WWC1: variants seen among roughly 807,000 people sequenced by gnomAD.
The protein encoded by WWC1 is WW and C2 domain containing 1.
In WWC1, 55 loss-of-function variants were observed where a neutral mutation model predicts 138.4. The ratio of observed to expected loss-of-function variants is 0.40; its 90% CI spans 0.32 to 0.50. WWC1 has a LOEUF of 0.50. WWC1 is among the 20% of genes least tolerant of loss of function. WWC1 has a pLI of 0.72. For synonymous variants in WWC1, 524 were observed against 564.9 expected (o/e 0.93, Z 1.03); for missense variants, 1,226 against 1,420.4 (o/e 0.86, Z 2.20).
chr5:168,395,153 G>T (rs1340752572), intron 3 of WWC1, among the ~76,000 whole-genome samples: 1 of 152,230 alleles, frequency 6.6e-6, no homozygotes, highest in African/African-American at 2.4e-5. Flanking sequence ...ACCTCTCCCT[G>T]TCTGAGTCAG....
rs1489211478 is a variant in WWC1 at position 168,371,520 on chromosome 5, A to G, written c.216A>G (p.Ile72Met). The G allele has an allele frequency of 6.2e-7, 1 of 1,613,630 alleles. No homozygotes were observed. Among genetic ancestry groups the G allele is most frequent in the Non-Finnish European group, 8.5e-7 (1 of 1,179,664 alleles). The change falls in exon 2 of 23, where the codon ATA becomes ATG. Residue 72 changes from isoleucine to methionine, a missense_variant. Coordinates refer to ENST00000265293, the MANE Select transcript of WWC1 (RefSeq NM_015238.3). ...ACCCACAGGTTGGAGATTACTTCAT[A>G]GACCACAACACCAGTAAGTTCCCGA... Reference protein sequence around the residue: ...AYDPQVGDYFIDHNTKTTQIE... With the variant: ...AYDPQVGDYFMDHNTKTTQIE...
chr5:168,399,679 C>T (rs1779165772), intron 5 of WWC1, 112 bp downstream of exon 5: 2 of 1,043,008 alleles, frequency 1.9e-6, no homozygotes, highest in Non-Finnish European at 2.9e-6. Flanking sequence ...CAAAATGTGG[C>T]TCTCTCATCA....
At chr5:168,381,882 G>A (rs1777663581) in intron 2 of WWC1, among the ~76,000 whole-genome samples, 1 of 150,808 alleles carries the variant, frequency 6.6e-6, no homozygotes, top group African/African-American at 2.4e-5. Context: ...TGTGGGGGGA[G>A]GCACTCATGT....
chr5:168,375,283 T>C (rs1031052960), intron 2 of WWC1, among the ~76,000 whole-genome samples: 1 of 152,188 alleles, frequency 6.6e-6, no homozygotes, highest in East Asian at 1.9e-4. Flanking sequence ...GCAATGATTC[T>C]GAGAAAGAGT....
chr5:168,462,242 G>GCGC (rs141668398), intron 20 of WWC1, among the ~76,000 whole-genome samples: 1 of 151,778 alleles, frequency 6.6e-6, no homozygotes, highest in Non-Finnish European at 1.5e-5. Flanking sequence ...GAACTGGAGA[G>GCGC]AGGAGAGAGA....
intron 20 of WWC1, among the ~76,000 whole-genome samples, chr5:168,461,652 A>C (rs1298218428): frequency 1.3e-5 from 2 of 152,210 alleles, no homozygotes; most frequent in Non-Finnish European, 2.9e-5. Context: ...TTGACCATTA[A>C]GGGCTGCAGG....
At chr5:168,434,841 G>A (rs12516671) in intron 15 of WWC1, among the ~76,000 whole-genome samples, 23,887 of 152,072 alleles carry the variant, frequency 0.16, 2,520 homozygotes, top group East Asian at 0.37. Flanking sequence ...CACCCAGCCC[G>A]GGCTCTCTCG....
intron 1 of WWC1, among the ~76,000 whole-genome samples, chr5:168,304,108 C>T (rs1464128307): frequency 6.6e-6 from 1 of 152,226 alleles, no homozygotes; most frequent in African/African-American, 2.4e-5. Flanking sequence ...AGACATCTCT[C>T]ATTATATTCA....
At chr5:168,452,997 G>T (rs768555313) in intron 17 of WWC1, among the ~76,000 whole-genome samples, 6 of 152,200 alleles carry the variant, frequency 3.9e-5, no homozygotes, top group South Asian at 4.1e-4. Flanking sequence ...GGCCAAGGTG[G>T]GTGGATCGCT....
chr5:168,408,591 T>C lies in WWC1; in HGVS notation c.805T>C (p.Ser269Pro). 2 of 1,614,128 alleles carry C rather than the reference T, an allele frequency of 1.2e-6. No individual in the cohort carries two copies. The highest frequency in any genetic ancestry group is 1.7e-6 in the Non-Finnish European group (2 of 1,180,012). ...GTCCAGCAGCAGCTCTCTGGAGAGT[T>C]CGAGTTTCCCGCTACCGAAACAGTA... The part of the protein sequence containing the change: ...LWSSSSSLES[S>P]SFPLPKQYLD... The change falls in exon 7 of 23, where the codon TCG becomes CCG. Residue 269 changes from serine to proline, a missense_variant. Around this residue, in one of 3 missense-constraint regions of WWC1, gnomAD observed 1,016 missense variants for 1,153.9 expected, o/e 0.88. Transcript: ENST00000265293.
At chr5:168,453,259 A>G (rs866205990) in intron 17 of WWC1, among the ~76,000 whole-genome samples, 1 of 152,168 alleles carries the variant, frequency 6.6e-6, no homozygotes, top group African/African-American at 2.4e-5. Flanking sequence ...CCGCTGATGC[A>G]TACAGCATTG....
chr5:168,448,071 T>C (rs1755441018), intron 17 of WWC1, among the ~76,000 whole-genome samples: 1 of 152,134 alleles, frequency 6.6e-6, no homozygotes, highest in South Asian at 2.1e-4. Context: ...CCTTCTCCCT[T>C]TTTGGCCCCT....
chr5:168,431,457 TCTGGCTGGCTGG>T lies in WWC1; in HGVS notation c.2280+49_2280+60del, dbSNP rs11279828. The T allele has an allele frequency of 9.7e-3, 13,495 of 1,391,202 alleles. 400 individuals carry two copies. In the African/African-American group the frequency reaches 0.11, roughly 11 times the overall value. 86.2% of individuals were successfully genotyped at this position (1,391,202 alleles called of 1,614,324 possible). A position where few individuals can be genotyped will look rare whatever the true frequency, so the allele number is the denominator to read the frequency against. ...GGAAGAGTGCCTGGTAAGGGCCGTG[TCTGGCTGGCTGG>T]CTGGCTGGCTGGCTGGCTGGCTGGC... On this transcript the variant is annotated intron_variant, in intron 15 of 22. Transcript: ENST00000265293.
chr5:168,438,767 T>A (rs1386406787), intron 15 of WWC1, among the ~76,000 whole-genome samples: 1 of 152,076 alleles, frequency 6.6e-6, no homozygotes, highest in East Asian at 1.9e-4. Context: ...TTAATTAGTT[T>A]GTAGTAATTT....
chr5:168,409,644 A>G (rs1379205326), intron 7 of WWC1, among the ~76,000 whole-genome samples: 2 of 152,142 alleles, frequency 1.3e-5, no homozygotes, highest in Non-Finnish European at 2.9e-5. Context: ...ATGGGCACCA[A>G]GCCAAGCCAT....
chr5:168,350,406 C>T (rs894562195), intron 1 of WWC1, among the ~76,000 whole-genome samples: 9 of 152,138 alleles, frequency 5.9e-5, no homozygotes, highest in African/African-American at 2.2e-4. Flanking sequence ...AATGCTGTCA[C>T]CAAAAGAGGC....
At chr5:168,350,894 C>T (rs1774893902) in intron 1 of WWC1, among the ~76,000 whole-genome samples, 1 of 152,072 alleles carries the variant, frequency 6.6e-6, no homozygotes, top group South Asian at 2.1e-4. Context: ...GCCTGTAATC[C>T]CAGCACTTTG....
intron 1 of WWC1, among the ~76,000 whole-genome samples, chr5:168,363,188 A>G (rs958889081): frequency 2.0e-5 from 3 of 152,144 alleles, no homozygotes; most frequent in South Asian, 2.1e-4. Context: ...ACCAAATCCA[A>G]TTCAGCTACT....
At chr5:168,336,679 A>T (rs1416812355) in intron 1 of WWC1, among the ~76,000 whole-genome samples, 1 of 151,806 alleles carries the variant, frequency 6.6e-6, no homozygotes, top group Non-Finnish European at 1.5e-5. Context: ...TTGTATGTTT[A>T]ACACTGACTC....
Sources: gnomAD v4.1 joint callset for allele counts (sites outside exome capture counted in the v4.1 genomes callset) on GRCh38, gnomAD v4.1.1 for gene constraint, gnomAD v4.1.1 regional missense constraint, MANE v1.5 for transcripts, NCBI Gene and HGNC (gene_info 2026-07-23, HGNC 2026-07-21) for gene names.